Variants in MAP3K9 observed in about 807,000 individuals in gnomAD.
MAP3K9 encodes the protein mitogen-activated protein kinase kinase kinase 9.
A neutral mutation model predicts 95.8 loss-of-function variants in MAP3K9; 46 were observed. The ratio of observed to expected loss-of-function variants is 0.48; its 90% CI spans 0.38 to 0.61. MAP3K9 has a LOEUF of 0.61. Ranked by LOEUF, MAP3K9 falls within the 20% of genes least tolerant of loss-of-function variation. The probability of loss-of-function intolerance (pLI) is 0.00; values close to 1 mark genes in which losing one functional copy is unlikely to be tolerated. For missense variants in MAP3K9, 1,296 were observed against 1,474.3 expected (o/e 0.88, Z 1.98); for synonymous variants, 533 against 593.8 (o/e 0.90, Z 1.49).
At chr14:70,734,666 G>A (rs1441825927) in intron 9 of MAP3K9, among the ~76,000 whole-genome samples, 168 bp from the exon 10 acceptor site, 1 of 152,190 alleles carries the variant, frequency 6.6e-6, no homozygotes, top group Non-Finnish European at 1.5e-5. Context: ...TTCACAAACA[G>A]AAATGCACAT....
intron 2 of MAP3K9, among the ~76,000 whole-genome samples, chr14:70,785,763 A>G (rs980132970): frequency 2.6e-5 from 4 of 152,188 alleles, no homozygotes; most frequent in Admixed American, 6.5e-5. Flanking sequence ...CAGTGTGGAC[A>G]TGCTGGACAG....
In MAP3K9 at chr14:70,771,186, T is replaced by TTGC. The variant is rs2054527464; in HGVS notation, c.821-10007_821-10005dup. On this transcript the variant is annotated intron_variant, in intron 2 of 11. Transcript: ENST00000554752. Reference sequence around the variant, plus strand: ...CTCTTCTCCCATGCACCTTGTAGGTTTGCTGTGGCTTTCACTGGGTTTCAG... The same window carrying TTGC: ...CTCTTCTCCCATGCACCTTGTAGGTTTGCTGCTGTGGCTTTCACTGGGTTTCAG... Among the ~76,000 whole-genome samples, 3 of 152,350 alleles carry TTGC rather than the reference T, an allele frequency of 2.0e-5. No homozygotes were observed. The South Asian group carries it at 6.2e-4, about 32-fold the overall frequency.
At chr14:70,769,448 T>C (rs961659158) in intron 2 of MAP3K9, among the ~76,000 whole-genome samples, 2 of 152,154 alleles carry the variant, frequency 1.3e-5, no homozygotes. Flanking sequence ...TTTGAAAAAG[T>C]GAGTGGCAAA....
chr14:70,777,126 C>T (rs569630466), intron 2 of MAP3K9, among the ~76,000 whole-genome samples: 1 of 152,230 alleles, frequency 6.6e-6, no homozygotes, highest in East Asian at 1.9e-4. Context: ...CCACCACACC[C>T]GGCCAAAGAT....
At chr14:70,791,612 A>C (rs190599476) in intron 2 of MAP3K9, among the ~76,000 whole-genome samples, 2 of 152,280 alleles carry the variant, frequency 1.3e-5, no homozygotes, top group African/African-American at 4.8e-5. Context: ...TGCTGGCCTC[A>C]CTGCCTGGAA....
chr14:70,740,416 T>C (rs977744880), intron 6 of MAP3K9, among the ~76,000 whole-genome samples: 1 of 152,246 alleles, frequency 6.6e-6, no homozygotes, highest in Non-Finnish European at 1.5e-5. Context: ...AAGCTGTCTA[T>C]ATAATGAATA....
At chr14:70,754,932 G>A (rs1169143895) in intron 3 of MAP3K9, among the ~76,000 whole-genome samples, 6 of 152,158 alleles carry the variant, frequency 3.9e-5, no homozygotes, top group Non-Finnish European at 8.8e-5. Flanking sequence ...TAGCCTTCTT[G>A]AGGCAGTCCC....
At chr14:70,783,597 CA>C (rs2054709606) in intron 2 of MAP3K9, 1 of 157,392 alleles carries the variant, frequency 6.4e-6, no homozygotes, top group South Asian at 2.0e-4. Context: ...GGTGTTATTC[CA>C]CCAGCAATCA....
intron 2 of MAP3K9, among the ~76,000 whole-genome samples, chr14:70,769,911 G>C (rs1024965843): frequency 6.6e-6 from 1 of 152,308 alleles, no homozygotes; most frequent in Middle Eastern, 3.4e-3. Context: ...TCAACTTATT[G>C]TTTGTGTGGA....
intron 5 of MAP3K9, among the ~76,000 whole-genome samples, chr14:70,747,167 TG>T (rs36026675): frequency 0.018 from 2,817 of 152,350 alleles, 55 homozygotes; most frequent in East Asian, 0.093. Context: ...AAATGACACT[TG>T]ATATGGTTTG....
intron 2 of MAP3K9, among the ~76,000 whole-genome samples, chr14:70,777,615 T>C (rs1357753670): frequency 2.0e-5 from 3 of 152,174 alleles, no homozygotes; most frequent in Non-Finnish European, 2.9e-5. Context: ...AGTCAGGGGA[T>C]ACTGGCTGGA....
rs534274868 is a variant in MAP3K9, at chr14:70,808,862, C to T, written c.310G>A (p.Gly104Ser). ...GTCACGTAGTTGCTGGGGAAGATGC[C>T]CACCCGCTGGTTCAGCTGCCCGGTC... is the stretch of plus-strand genomic sequence containing the variant. ...WWTGQLNQRVGIFPSNYVTPR... is the reference protein window; with the variant it reads ...WWTGQLNQRVSIFPSNYVTPR... The change falls in exon 1 of 12, where the codon GGC (glycine) becomes AGC (serine). Residue 104 changes from glycine (G) to serine (S), a missense_variant. Physicochemically the swap from Gly to Ser is moderately conservative, Grantham distance 56 (BLOSUM62 0). Coordinates refer to ENST00000554752, the MANE Select transcript of MAP3K9 (RefSeq NM_001284230.2). The T allele has an allele frequency of 1.1e-5, 17 of 1,600,564 alleles. No homozygotes were observed. The African/African-American group carries it at 2.1e-4, about 20-fold the overall frequency.
chr14:70,742,827 A>G (rs555921660), intron 5 of MAP3K9, among the ~76,000 whole-genome samples: 24 of 152,038 alleles, frequency 1.6e-4, no homozygotes, highest in African/African-American at 5.8e-4. Context: ...AGATAAAGCC[A>G]TAGGTCAAGC....
At position 70,730,358 on chromosome 14, in the gene MAP3K9, G is replaced by T. The variant is rs770362272; in HGVS notation, c.*22C>A. The T allele has an allele frequency of 6.3e-7, 1 of 1,587,082 alleles. No homozygotes were observed. Among genetic ancestry groups the T allele is most frequent in the Non-Finnish European group, 8.6e-7 (1 of 1,160,908 alleles). ...CTCATCTCCGCTGGCTGTCCCCCTT[G>T]CCCGCCCCAATCCTTTTCGTGCTAA... On this transcript the variant is annotated 3_prime_UTR_variant, in exon 12 of 12. Coordinates refer to ENST00000554752, the MANE Select transcript of MAP3K9 (RefSeq NM_001284230.2).
At chr14:70,808,720 G>A in intron 1 of MAP3K9, 46 bp downstream of exon 1, 5 of 719,284 alleles carry the variant, frequency 7.0e-6, no homozygotes, top group South Asian at 3.0e-5. Flanking sequence ...CCGCCCCCCA[G>A]GCCTCCGTCA....
intron 2 of MAP3K9, among the ~76,000 whole-genome samples, chr14:70,795,020 G>GACTC (rs2054848543): frequency 1.7e-5 from 1 of 58,834 alleles, no homozygotes. Flanking sequence ...TTGAGATAGA[G>GACTC]ACTCACTCTG....
In MAP3K9 at chr14:70,733,209, C is replaced by T. The variant is rs202242909; in HGVS notation, c.2160G>A (p.Glu720=). The change falls in exon 11 of 12, where the codon GAG becomes GAA. Residue 720 remains glutamate (E), a synonymous_variant. Coordinates refer to ENST00000554752, the MANE Select transcript of MAP3K9 (RefSeq NM_001284230.2). ...DGPSSDGIHE[E]PTPVNSATST... ...TCGTGGCCGAGTTGACTGGGGTGGGCTCCTCATGGATTCCATCACTGGAGG... is the reference window on the plus strand; with the variant it reads ...TCGTGGCCGAGTTGACTGGGGTGGGTTCCTCATGGATTCCATCACTGGAGG... The T allele has an allele frequency of 1.2e-6, 2 of 1,611,282 alleles. No individual in the cohort carries two copies. The highest frequency in any genetic ancestry group is 1.7e-6 in the Non-Finnish European group (2 of 1,178,020).
In MAP3K9 at chr14:70,729,036, T is replaced by G. The variant is rs956927723; in HGVS notation, c.*1344A>C. On this transcript the variant is annotated 3_prime_UTR_variant, in exon 12 of 12. Coordinates refer to ENST00000554752, the MANE Select transcript of MAP3K9 (RefSeq NM_001284230.2). ...TCAACATTCAAGTTAAGGAAACAAC[T>G]TCCAGGAAGGTCAGGGTTGGCCTCT... is the stretch of plus-strand genomic sequence containing the variant. 2.0e-5 allele frequency: 3 copies of G among 152,420 alleles called. No individual in the cohort carries two copies. Among genetic ancestry groups the G allele is most frequent in the East Asian group, 1.9e-4 (1 of 5,178 alleles). The allele number at this position is 152,420 out of a possible 1,614,324, so 9.4% of individuals were successfully genotyped here.
At chr14:70,753,068 G>A (rs779107290) in intron 3 of MAP3K9, 5 of 152,238 alleles carry the variant, frequency 3.3e-5, no homozygotes, top group African/African-American at 9.6e-5. Flanking sequence ...TGGGTCAAAT[G>A]CCTGTTTTAT....
Sources: allele counts gnomAD v4.1 joint callset (sites outside exome capture counted in the v4.1 genomes callset), GRCh38; gene constraint gnomAD v4.1.1; transcripts MANE v1.5; gene names NCBI Gene and HGNC (gene_info 2026-07-23, HGNC 2026-07-21).